Variants in NR2F1-AS1 observed in about 807,000 individuals in gnomAD.
NR2F1-AS1 encodes the protein NR2F1 antisense RNA 1.
intron 4 of NR2F1-AS1, among the ~76,000 whole-genome samples, chr5:93,538,719 T>C (rs958883170): frequency 2.0e-5 from 3 of 152,194 alleles, no homozygotes; most frequent in Admixed American, 6.5e-5. Flanking sequence ...TAAATAATTA[T>C]CTTGTTTTTA....
rs910711049 is a variant in NR2F1-AS1, at chr5:93,491,192, G to A, written n.638+62569C>T. Reference sequence around the variant, plus strand: ...TATGGTAGTGGTGGTGGTGGCAGTGGTGGTGGTTGTTCCCGGTAATGGTGG... The same window carrying A: ...TATGGTAGTGGTGGTGGTGGCAGTGATGGTGGTTGTTCCCGGTAATGGTGG... On this transcript the variant is annotated intron_variant and non_coding_transcript_variant, in intron 4 of 5. Coordinates refer to ENST00000660523, the Ensembl canonical transcript of NR2F1-AS1. Among the ~76,000 whole-genome samples the A allele has an allele frequency of 2.6e-5, 4 of 151,726 alleles. No individual in the cohort carries two copies. The South Asian group carries it at 8.4e-4, about 32-fold the overall frequency.
rs186880816 is a variant in NR2F1-AS1, at chr5:93,467,554, T to G, written n.639-72012A>C. On this transcript the variant is annotated intron_variant and non_coding_transcript_variant, in intron 4 of 5. Transcript: ENST00000660523. ...TAAGTCCCAACTACTGCCATCAAAA[T>G]GTTATCTGTTTCGTGTTCTACTATT... Among the ~76,000 whole-genome samples the G allele has an allele frequency of 2.8e-4, 42 of 152,368 alleles. No homozygotes were observed. In the East Asian group the frequency reaches 7.5e-3, roughly 27 times the overall value.
At chr5:93,474,637 G>C (rs937900087) in intron 4 of NR2F1-AS1, among the ~76,000 whole-genome samples, 6 of 152,092 alleles carry the variant, frequency 3.9e-5, no homozygotes, top group African/African-American at 1.4e-4. Flanking sequence ...ATGACAGAAG[G>C]GGCAAAGCAG....
At chr5:93,497,128 T>C (rs1750978308) in intron 4 of NR2F1-AS1, among the ~76,000 whole-genome samples, 1 of 152,114 alleles carries the variant, frequency 6.6e-6, no homozygotes. Context: ...TATGCTTCAG[T>C]GATTAGTAGT....
At position 93,494,220 on chromosome 5, in the gene NR2F1-AS1, T is replaced by C. The variant is rs1234782021; in HGVS notation, n.638+59541A>G. ...TGAATAGGCATTTCTCCAAAAGAGA[T>C]ATATAGATCTCTAGTAAGCACATGA... On this transcript the variant is annotated intron_variant and non_coding_transcript_variant, in intron 4 of 5. Coordinates refer to ENST00000660523, the Ensembl canonical transcript of NR2F1-AS1. 3.3e-5 allele frequency among the ~76,000 whole-genome samples: 5 copies of C among 152,296 alleles called. 1 individual carries two copies. The South Asian group carries it at 6.2e-4, about 19-fold the overall frequency.
chr5:93,584,996 C>T (rs1326939288), upstream of NR2F1-AS1: 11 of 984,004 alleles, frequency 1.1e-5, no homozygotes, highest in Non-Finnish European at 1.3e-5. Flanking sequence ...CAGCTCGGCT[C>T]CCCCCAGCGC....
upstream of NR2F1-AS1, chr5:93,583,132 T>C (rs1028682455): frequency 1.3e-5 from 2 of 152,196 alleles, no homozygotes; most frequent in Admixed American, 6.5e-5. Flanking sequence ...ACGAGCTCCA[T>C]ATAAGGCAGC....
At chr5:93,515,804 A>G (rs913045802) in intron 4 of NR2F1-AS1, among the ~76,000 whole-genome samples, 31 of 151,962 alleles carry the variant, frequency 2.0e-4, no homozygotes, top group African/African-American at 7.5e-4. Flanking sequence ...TGTACATCCA[A>G]GAAACATAAC....
At position 93,484,208 on chromosome 5, in the gene NR2F1-AS1, C is replaced by T. The variant is rs552142863; in HGVS notation, n.638+69553G>A. On this transcript the variant is annotated intron_variant and non_coding_transcript_variant, in intron 4 of 5. Coordinates refer to ENST00000660523, the Ensembl canonical transcript of NR2F1-AS1. Reference sequence around the variant, plus strand: ...GTTAAGGGCAACCAGAGAGAAAGATCGGGTTACCCACAAAGGGAAGCCCAT... The same window carrying T: ...GTTAAGGGCAACCAGAGAGAAAGATTGGGTTACCCACAAAGGGAAGCCCAT... Among the ~76,000 whole-genome samples, 41 of 152,236 alleles carry T rather than the reference C, an allele frequency of 2.7e-4. No homozygotes were observed. The South Asian group carries it at 7.9e-3, about 29-fold the overall frequency.
chr5:93,539,863 T>C (rs1397248364), intron 4 of NR2F1-AS1, among the ~76,000 whole-genome samples: 1 of 152,164 alleles, frequency 6.6e-6, no homozygotes, highest in African/African-American at 2.4e-5. Flanking sequence ...TTGTACCCCA[T>C]AAACATATAT....
In NR2F1-AS1 at chr5:93,522,564, G is replaced by A. The variant is rs114671975; in HGVS notation, n.638+31197C>T. On this transcript the variant is annotated intron_variant and non_coding_transcript_variant, in intron 4 of 5. Coordinates refer to ENST00000660523, the Ensembl canonical transcript of NR2F1-AS1. Reference sequence around the variant, plus strand: ...GAGGTGGGTGGCTGGCAAGATGGCCGAATAGGAAGAGCTCTGGTCAGCAGC... The same window carrying A: ...GAGGTGGGTGGCTGGCAAGATGGCCAAATAGGAAGAGCTCTGGTCAGCAGC... Among the ~76,000 whole-genome samples the A allele has an allele frequency of 2.7e-3, 405 of 152,336 alleles. 2 individuals are homozygous for A. Among genetic ancestry groups the A allele is most frequent in the African/African-American group, 7.7e-3 (319 of 41,582 alleles).
chr5:93,513,001 C>T (rs1248960008), intron 4 of NR2F1-AS1, among the ~76,000 whole-genome samples: 1 of 152,098 alleles, frequency 6.6e-6, no homozygotes, highest in Admixed American at 6.6e-5. Flanking sequence ...TGAGAACTTT[C>T]ACTAACACAG....
At chr5:93,460,469 CAATGAG>C (rs1257904061) in intron 4 of NR2F1-AS1, among the ~76,000 whole-genome samples, 1 of 152,112 alleles carries the variant, frequency 6.6e-6, no homozygotes, top group African/African-American at 2.4e-5. Flanking sequence ...AAAAACTTGT[CAATGAG>C]AATGATGAGT....
chr5:93,511,485 A>G (rs1223013815), intron 4 of NR2F1-AS1, among the ~76,000 whole-genome samples: 3 of 152,206 alleles, frequency 2.0e-5, no homozygotes, highest in Non-Finnish European at 4.4e-5. Flanking sequence ...CCTTACAGTC[A>G]GGTGCTACTT....
At chr5:93,562,844 A>C (rs1426304648) in intron 2 of NR2F1-AS1, among the ~76,000 whole-genome samples, 1 of 152,206 alleles carries the variant, frequency 6.6e-6, no homozygotes, top group African/African-American at 2.4e-5. Context: ...TATGTGTTGA[A>C]TATCTATACT....
At chr5:93,531,093 A>G (rs530876226) in intron 4 of NR2F1-AS1, among the ~76,000 whole-genome samples, 1 of 152,336 alleles carries the variant, frequency 6.6e-6, no homozygotes, top group South Asian at 2.1e-4. Context: ...TGTTTAATAA[A>G]AAACAAATAC....
At chr5:93,477,242 G>C (rs1750504019) in intron 4 of NR2F1-AS1, among the ~76,000 whole-genome samples, 1 of 152,134 alleles carries the variant, frequency 6.6e-6, no homozygotes, top group Non-Finnish European at 1.5e-5. Context: ...TATGGTGTTA[G>C]CAATTTCAGT....
chr5:93,538,621 T>C (rs1460585675), intron 4 of NR2F1-AS1, among the ~76,000 whole-genome samples: 1 of 152,250 alleles, frequency 6.6e-6, no homozygotes, highest in Non-Finnish European at 1.5e-5. Flanking sequence ...GAAATACTTC[T>C]TATAATTTTT....
At chr5:93,476,343 T>TTATTAGAAG (rs1163627072) in intron 4 of NR2F1-AS1, among the ~76,000 whole-genome samples, 3 of 152,182 alleles carry the variant, frequency 2.0e-5, no homozygotes, top group Non-Finnish European at 4.4e-5. Flanking sequence ...TTTAATGTTA[T>TTATTAGAAG]CCATATGGGC....
Sources: allele counts gnomAD v4.1 joint callset (sites outside exome capture counted in the v4.1 genomes callset), GRCh38; gene constraint gnomAD v4.1.1; transcripts MANE v1.5; gene names NCBI Gene and HGNC (gene_info 2026-07-23, HGNC 2026-07-21).